SCN3B: variants seen among roughly 807,000 people sequenced by gnomAD.
SCN3B encodes sodium voltage-gated channel beta subunit 3, also known as sodium channel regulatory subunit beta-3.
A neutral mutation model predicts 25.4 loss-of-function variants in SCN3B; 11 were observed. That is an observed-to-expected ratio of 0.43 (90% CI 0.27 to 0.72). The LOEUF is 0.72. Ranked by LOEUF, SCN3B falls within the 30% of genes least tolerant of loss-of-function variation. SCN3B has a pLI of 0.18. For synonymous variants in SCN3B, 109 were observed against 110.7 expected (o/e 0.99, Z 0.09); for missense variants, 218 against 278.3 (o/e 0.78, Z 1.54).
intron 5 of SCN3B, among the ~76,000 whole-genome samples, chr11:123,635,119 T>C (rs1180838299): frequency 6.6e-6 from 1 of 152,258 alleles, no homozygotes; most frequent in Non-Finnish European, 1.5e-5. Context: ...TTTTACTTTG[T>C]GTTTAAATCC....
At chr11:123,651,540 T>A (rs1032816627) in intron 2 of SCN3B, among the ~76,000 whole-genome samples, 2 of 152,222 alleles carry the variant, frequency 1.3e-5, no homozygotes, top group African/African-American at 4.8e-5. Context: ...ATTTTTGTAT[T>A]TTTAGCAGAG....
Position 123,645,486 on chromosome 11 carries a change from A to C in SCN3B, c.219+101T>G, listed in dbSNP as rs1048547249. On this transcript the variant is annotated intron_variant, in intron 3 of 6. Coordinates refer to ENST00000299333, the MANE Select transcript of SCN3B (RefSeq NM_001040151.2). ...ATCTGTCAGTGTTTGGAAGAGAAGG[A>C]GCCAGTGTTTGCTAGCTTGGCATCC... is the stretch of plus-strand genomic sequence containing the variant. 4 of 1,159,936 alleles carry C rather than the reference A, an allele frequency of 3.4e-6. No homozygotes were observed. In the East Asian group the frequency reaches 9.3e-5, roughly 27 times the overall value. The allele number at this position is 1,159,936 out of a possible 1,614,324, so 71.9% of individuals were successfully genotyped here.
chr11:123,641,776 T>C (rs914590680), intron 4 of SCN3B, among the ~76,000 whole-genome samples: 2 of 152,116 alleles, frequency 1.3e-5, no homozygotes, highest in Admixed American at 6.5e-5. Context: ...ATTTATGTAA[T>C]AAGAGATGCC....
chr11:123,640,645 TCCCTGAGCAAGC>T (rs1161494841), intron 4 of SCN3B: 3 of 152,174 alleles, frequency 2.0e-5, no homozygotes, highest in Non-Finnish European at 1.5e-5. Context: ...TTGCTGCACG[TCCCTGAGCAAGC>T]CCCTTGCTCT....
chr11:123,644,800 A>AAAATAT (rs1955832309), intron 3 of SCN3B, among the ~76,000 whole-genome samples: 1 of 45,578 alleles, frequency 2.2e-5, no homozygotes, highest in Admixed American at 3.3e-4. Context: ...AGAGAGAGAG[A>AAAATAT]ATATATATAT....
chr11:123,647,509 G>A (rs184708649), intron 2 of SCN3B, among the ~76,000 whole-genome samples: 10 of 151,922 alleles, frequency 6.6e-5, no homozygotes, highest in African/African-American at 1.4e-4. Context: ...GATGGTCACC[G>A]CAGATTCTTA....
At position 123,633,176 on chromosome 11, in the gene SCN3B, T is replaced by C. The variant is rs1955691435; in HGVS notation, c.*623A>G. Reference sequence around the variant, plus strand: ...AGGGAACCTTAGAGACCCATCAGGATCTAGCTCTGGAGTACTAAGCTCCAG... The same window carrying C: ...AGGGAACCTTAGAGACCCATCAGGACCTAGCTCTGGAGTACTAAGCTCCAG... On this transcript the variant is annotated 3_prime_UTR_variant, in exon 7 of 7. Coordinates refer to ENST00000299333, the MANE Select transcript of SCN3B (RefSeq NM_001040151.2). The C allele has an allele frequency of 6.6e-6, 1 of 152,216 alleles. No homozygotes were observed. The highest frequency in any genetic ancestry group is 1.5e-5 in the Non-Finnish European group (1 of 68,034). The allele number at this position is 152,216 out of a possible 1,614,324, so 9.4% of individuals were successfully genotyped here. A position where few individuals can be genotyped will look rare whatever the true frequency, so the allele number is the denominator to read the frequency against.
chr11:123,644,794 AGAGAGAATATAT>A (rs1565496778), intron 3 of SCN3B, among the ~76,000 whole-genome samples: 4 of 89,092 alleles, frequency 4.5e-5, no homozygotes, highest in South Asian at 4.9e-4. Context: ...AGAGAGAGAG[AGAGAGAATATAT>A]ATATATATAT....
Position 123,653,774 on chromosome 11 carries a change from G to A in SCN3B, c.28C>T (p.Leu10=). 1 of 1,614,254 alleles carries A rather than the reference G, an allele frequency of 6.2e-7. No homozygotes were observed. Among genetic ancestry groups the A allele is most frequent in the East Asian group, 2.2e-5 (1 of 44,888 alleles). ...CAGTAGATAAGCACGAGAGAAGCCA[G>A]GGGAAACAATCTATTGAAGGCAGGC... The part of the protein sequence containing the change: MPAFNRLFP[L]ASLVLIYWVS... Residue 10 remains leucine, a synonymous_variant, in exon 2 of 7, where the codon CTG becomes TTG. Transcript: ENST00000299333.
At chr11:123,641,556 T>C (rs1192396520) in intron 4 of SCN3B, among the ~76,000 whole-genome samples, 1 of 152,180 alleles carries the variant, frequency 6.6e-6, no homozygotes, top group East Asian at 1.9e-4. Context: ...CACTTTGGCC[T>C]GCTCACTAGC....
chr11:123,652,282 G>A (rs1245207494), intron 2 of SCN3B, among the ~76,000 whole-genome samples: 1 of 152,142 alleles, frequency 6.6e-6, no homozygotes. Flanking sequence ...GAGATCATTG[G>A]CAACATATTA....
At chr11:123,649,667 TC>T in intron 2 of SCN3B, among the ~76,000 whole-genome samples, 4 of 148,058 alleles carry the variant, frequency 2.7e-5, no homozygotes, top group Non-Finnish European at 3.0e-5. Context: ...TTTCTTTCTT[TC>T]TTTTTTTCCT....
chr11:123,645,725 C>T lies in SCN3B; in HGVS notation c.81G>A (p.Val27=). The T allele has an allele frequency of 6.2e-7, 1 of 1,614,036 alleles. No individual in the cohort carries two copies. Among genetic ancestry groups the T allele is most frequent in the South Asian group, 1.1e-5 (1 of 91,076 alleles). ...CGGCCTCCGTCTCCGAGGGCACTTC[C>T]ACACACACAGGGAAGCAGACACTGA... ...YWVSVCFPVC[V]EVPSETEAVQ... Residue 27 remains valine (V), a synonymous_variant, in exon 3 of 7, where the codon GTG becomes GTA. Transcript: ENST00000299333.
intron 4 of SCN3B, chr11:123,640,173 A>G (rs983809967): frequency 6.6e-6 from 1 of 152,266 alleles, no homozygotes; most frequent in African/African-American, 2.4e-5. Flanking sequence ...AATGCCGTAC[A>G]GCTCAAACAT....
In SCN3B at chr11:123,638,318, T is replaced by G. The variant is rs764280230; in HGVS notation, c.452A>C (p.Glu151Ala). The change falls in exon 5 of 7, where the codon GAG becomes GCG. Residue 151 changes from glutamate to alanine, a missense_variant. By Grantham distance (107) the Glu-to-Ala change is moderately radical (BLOSUM62 -1). Coordinates refer to ENST00000299333, the MANE Select transcript of SCN3B (RefSeq NM_001040151.2). ...TTCTGAGACCACAGAGGTGAAGTCC[T>G]CTCCAGCTGAAAGAAAGAGAATGAG... ...IPLRVTEEAG[E>A]DFTSVVSEIM... 1 of 1,613,894 alleles carries G rather than the reference T, an allele frequency of 6.2e-7. No homozygotes were observed. The highest frequency in any genetic ancestry group is 8.5e-7 in the Non-Finnish European group (1 of 1,180,044).
chr11:123,645,786 A>G, intron 2 of SCN3B, 36 bp from the exon 3 acceptor site: 4 of 1,610,840 alleles, frequency 2.5e-6, no homozygotes, highest in Non-Finnish European at 3.4e-6. Flanking sequence ...AAGGAACAGC[A>G]GGTGGTGGGG....
intron 4 of SCN3B, chr11:123,639,340 A>G (rs1955761867): frequency 6.6e-6 from 1 of 150,630 alleles, no homozygotes; most frequent in African/African-American, 2.4e-5. Context: ...CCAACTTCTC[A>G]TGCGGAGCTA....
In SCN3B at chr11:123,645,608, G is replaced by A. The variant is rs115752338; in HGVS notation, c.198C>T (p.Pro66=). ...ATACAAGGAAATCTTTACCGCCCTCGGGCCTGTAGAACCATTCCACCACCG... is the reference window on the plus strand; with the variant it reads ...ATACAAGGAAATCTTTACCGCCCTCAGGCCTGTAGAACCATTCCACCACCG... ...ATTVVEWFYR[P]EGGKDFLIYE... Residue 66 remains proline, a synonymous_variant, in exon 3 of 7, where the codon CCC becomes CCT. Transcript: ENST00000299333. 2,406 of 1,614,116 alleles carry A rather than the reference G, an allele frequency of 1.5e-3. 36 individuals carry two copies. The African/African-American group carries it at 0.028, about 19-fold the overall frequency.
chr11:123,631,805 G>C lies in SCN3B; in HGVS notation c.*1994C>G. 1 of 151,974 alleles carries C rather than the reference G, an allele frequency of 6.6e-6. No homozygotes were observed. Among genetic ancestry groups the C allele is most frequent in the Non-Finnish European group, 1.5e-5 (1 of 67,998 alleles). 9.4% of individuals were successfully genotyped at this position (151,974 alleles called of 1,614,324 possible). On this transcript the variant is annotated 3_prime_UTR_variant, in exon 7 of 7. Coordinates refer to ENST00000299333, the MANE Select transcript of SCN3B (RefSeq NM_001040151.2). ...GATTGCACCACTGCACTCTAGCCTG[G>C]GAGACAGAGTGAGAATCTGTCTCAA...
Sources: allele counts gnomAD v4.1 joint callset (sites outside exome capture counted in the v4.1 genomes callset), GRCh38; gene constraint gnomAD v4.1.1; transcripts MANE v1.5; gene names NCBI Gene and HGNC (gene_info 2026-07-23, HGNC 2026-07-21).